Variants in HIBADH observed in about 807,000 individuals in gnomAD.
HIBADH encodes the protein 3-hydroxyisobutyrate dehydrogenase, mitochondrial.
In HIBADH, 25 loss-of-function variants were observed where a neutral mutation model predicts 36.1. The observed-to-expected ratio is 0.69, with a 90% CI of 0.50 to 0.97. The LOEUF (loss-of-function observed/expected upper bound fraction) is 0.97, where lower values mean the gene tolerates loss of function less well. HIBADH is among the 50% of genes least tolerant of loss of function. The pLI is 0.00. For synonymous variants in HIBADH, 160 were observed against 149.5 expected (o/e 1.07, Z -0.51); for missense variants, 421 against 418.0 (o/e 1.01, Z -0.06).
chr7:27,610,531 A>T (rs1056761350), intron 4 of HIBADH, among the ~76,000 whole-genome samples: 2 of 152,236 alleles, frequency 1.3e-5, no homozygotes, highest in African/African-American at 4.8e-5. Context: ...ACAAAAATAA[A>T]TTCTTACTGA....
At chr7:27,584,944 G>A (rs182137955) in intron 4 of HIBADH, among the ~76,000 whole-genome samples, 298 of 151,650 alleles carry the variant, frequency 2.0e-3, no homozygotes, top group African/African-American at 7.0e-3. Flanking sequence ...ATCCATGGAG[G>A]GTACACTGAG....
intron 6 of HIBADH, 134 bp from the exon 7 acceptor site, chr7:27,531,482 G>A (rs887315410): frequency 1.4e-5 from 10 of 711,244 alleles, no homozygotes; most frequent in East Asian, 2.8e-5. Flanking sequence ...AGGTTGATAC[G>A]AGAGTGAAGA....
chr7:27,573,042 C>T (rs563374414), intron 4 of HIBADH, among the ~76,000 whole-genome samples: 5 of 152,122 alleles, frequency 3.3e-5, no homozygotes, highest in East Asian at 3.9e-4. Context: ...TGGTAAGAAA[C>T]GACTAGGGAC....
At chr7:27,540,155 G>A (rs1277808855) in intron 5 of HIBADH, among the ~76,000 whole-genome samples, 1 of 152,126 alleles carries the variant, frequency 6.6e-6, no homozygotes, top group Non-Finnish European at 1.5e-5. Flanking sequence ...GTACCAATCC[G>A]TCTTCCACTG....
chr7:27,566,756 A>G (rs918813970), intron 4 of HIBADH, among the ~76,000 whole-genome samples: 1 of 152,104 alleles, frequency 6.6e-6, no homozygotes, highest in Non-Finnish European at 1.5e-5. Context: ...TTCAGTTCAA[A>G]ATATTTTCTA....
chr7:27,633,329 C>T (rs764560782), intron 2 of HIBADH, among the ~76,000 whole-genome samples: 1 of 152,100 alleles, frequency 6.6e-6, no homozygotes, highest in Non-Finnish European at 1.5e-5. Flanking sequence ...TCAGGAGAGA[C>T]CAGGAGCTCC....
chr7:27,645,574 G>T (rs1457444442), intron 2 of HIBADH, among the ~76,000 whole-genome samples: 1 of 151,612 alleles, frequency 6.6e-6, no homozygotes, highest in Admixed American at 6.6e-5. Context: ...TAAAGACAGG[G>T]TTTCACCATG....
chr7:27,551,917 C>T (rs1380175662), intron 4 of HIBADH, among the ~76,000 whole-genome samples: 1 of 152,174 alleles, frequency 6.6e-6, no homozygotes, highest in East Asian at 1.9e-4. Flanking sequence ...TTGTTCTAAT[C>T]ATTTTCTACA....
chr7:27,641,671 A>T (rs1030152825), intron 2 of HIBADH, among the ~76,000 whole-genome samples: 1 of 152,208 alleles, frequency 6.6e-6, no homozygotes, highest in African/African-American at 2.4e-5. Flanking sequence ...ATCCAAATTA[A>T]TATTACCTTT....
intron 4 of HIBADH, among the ~76,000 whole-genome samples, chr7:27,574,450 A>G (rs948463456): frequency 3.3e-5 from 5 of 152,204 alleles, no homozygotes; most frequent in African/African-American, 1.2e-4. Flanking sequence ...GGACCTAAAT[A>G]TATTAGAAAA....
At chr7:27,642,658 T>G (rs1785981777) in intron 2 of HIBADH, among the ~76,000 whole-genome samples, 1 of 144,214 alleles carries the variant, frequency 6.9e-6, no homozygotes, top group Non-Finnish European at 1.5e-5. Context: ...TTTTTTTTTT[T>G]TTTTTTTTTT....
At chr7:27,632,620 C>A (rs1785766949) in intron 2 of HIBADH, among the ~76,000 whole-genome samples, 175 bp from the exon 3 acceptor site, 2 of 148,186 alleles carry the variant, frequency 1.3e-5, no homozygotes, top group South Asian at 4.3e-4. Flanking sequence ...AAAATAAAGG[C>A]ACATCATTAT....
chr7:27,619,518 A>C (rs1011106352), intron 4 of HIBADH, among the ~76,000 whole-genome samples: 7 of 152,224 alleles, frequency 4.6e-5, no homozygotes, highest in South Asian at 2.1e-4. Flanking sequence ...GATTTTAAAG[A>C]AGCTCAGTGA....
At chr7:27,645,120 C>A (rs940922704) in intron 2 of HIBADH, among the ~76,000 whole-genome samples, 9 of 152,132 alleles carry the variant, frequency 5.9e-5, no homozygotes, top group Non-Finnish European at 1.2e-4. Context: ...TTGCTAAATA[C>A]ATGTTTCCGT....
intron 4 of HIBADH, among the ~76,000 whole-genome samples, chr7:27,616,805 A>C (rs1785437846): frequency 6.6e-6 from 1 of 151,992 alleles, no homozygotes; most frequent in Non-Finnish European, 1.5e-5. Context: ...GGTAAAAAAA[A>C]AAAAATTTTT....
chr7:27,540,149 C>G (rs999931790), intron 5 of HIBADH, among the ~76,000 whole-genome samples: 2 of 152,046 alleles, frequency 1.3e-5, no homozygotes, highest in African/African-American at 4.8e-5. Context: ...TGTATGGTAC[C>G]AATCCGTCTT....
chr7:27,556,658 G>T (rs1291135739), intron 4 of HIBADH, among the ~76,000 whole-genome samples: 1 of 152,130 alleles, frequency 6.6e-6, no homozygotes, highest in Admixed American at 6.5e-5. Flanking sequence ...ATTTATTAAA[G>T]AATTCATTTC....
chr7:27,536,117 C>T (rs1167412981), intron 6 of HIBADH, among the ~76,000 whole-genome samples: 3 of 152,100 alleles, frequency 2.0e-5, no homozygotes, highest in Non-Finnish European at 2.9e-5. Context: ...TTGCAAAGCT[C>T]AATAAATCGT....
At chr7:27,632,224 A>G in intron 3 of HIBADH, 112 bp downstream of exon 3, 1 of 709,090 alleles carries the variant, frequency 1.4e-6, no homozygotes, top group Non-Finnish European at 2.4e-6. Flanking sequence ...TTATGAAATA[A>G]AAACAGTATA....
Sources: allele counts gnomAD v4.1 joint callset (sites outside exome capture counted in the v4.1 genomes callset), GRCh38; gene constraint gnomAD v4.1.1; transcripts MANE v1.5; gene names NCBI Gene and HGNC (gene_info 2026-07-23, HGNC 2026-07-21).